The following RAF1 variants were observed in gnomAD, a reference collection of about 807,000 sequenced individuals.
The protein encoded by RAF1 is Raf-1 proto-oncogene, serine/threonine kinase.
A neutral mutation model predicts 81.1 loss-of-function variants in RAF1; 27 were observed. That is an observed-to-expected ratio of 0.33 (90% CI 0.25 to 0.46). The LOEUF (loss-of-function observed/expected upper bound fraction) is 0.46, where lower values mean the gene tolerates loss of function less well. RAF1 is among the 20% of genes least tolerant of loss of function. The pLI, the probability that RAF1 is intolerant of heterozygous loss-of-function variation, is 1.00. For synonymous variants in RAF1, 298 were observed against 294.0 expected (o/e 1.01, Z -0.14); for missense variants, 598 against 826.0 (o/e 0.72, Z 3.38).
chr3:12,638,883 A>C (rs2060104853), intron 1 of RAF1, among the ~76,000 whole-genome samples: 1 of 152,240 alleles, frequency 6.6e-6, no homozygotes, highest in Non-Finnish European at 1.5e-5. Flanking sequence ...AGAAATGTAA[A>C]AATGTGTTTT....
chr3:12,598,754 C>CAAAAAAAAAAA (rs1491128080), intron 11 of RAF1, among the ~76,000 whole-genome samples: 1 of 111,226 alleles, frequency 9.0e-6, no homozygotes. Context: ...AAAAAAAAAA[C>CAAAAAAAAAAA]CACCAAGTAC....
intron 1 of RAF1, among the ~76,000 whole-genome samples, chr3:12,644,346 G>C (rs147836508): frequency 6.6e-6 from 1 of 152,172 alleles, no homozygotes; most frequent in Non-Finnish European, 1.5e-5. Context: ...AGAGAAGTAA[G>C]CCAAACTAGA....
At chr3:12,599,549 T>G (rs2058791035) in intron 11 of RAF1, 142 bp downstream of exon 10, 1 of 677,980 alleles carries the variant, frequency 1.5e-6, no homozygotes. Flanking sequence ...AAGTTCAATC[T>G]TCAGGTATAA....
At chr3:12,660,427 A>G (rs959038866) in intron 1 of RAF1, among the ~76,000 whole-genome samples, 1 of 151,880 alleles carries the variant, frequency 6.6e-6, no homozygotes, top group African/African-American at 2.4e-5. Context: ...CCTCCCAAGC[A>G]GCTGGGACTA....
At chr3:12,655,001 C>A (rs558899943) in intron 1 of RAF1, among the ~76,000 whole-genome samples, 15 of 46,686 alleles carry the variant, frequency 3.2e-4, no homozygotes, top group African/African-American at 1.2e-3. Context: ...CATAGTGAGA[C>A]CCCCCCCCCG....
chr3:12,619,110 T>A (rs535477020), intron 1 of RAF1, among the ~76,000 whole-genome samples: 17 of 151,904 alleles, frequency 1.1e-4, no homozygotes, highest in East Asian at 9.7e-4. Context: ...CCGGGCGTGG[T>A]GGCGGGCGCC....
Position 12,587,578 on chromosome 3 carries a change from A to C in RAF1, c.1477+13T>G. On this transcript the variant is annotated intron_variant, in intron 14 of 17. Transcript: ENST00000442415. Reference sequence around the variant, plus strand: ...AACCGAGCAGTCAAATGAACTCAACAACCAAAGGATACTGTTGGATTTCAT... The same window carrying C: ...AACCGAGCAGTCAAATGAACTCAACCACCAAAGGATACTGTTGGATTTCAT... 6.2e-7 allele frequency: 1 copy of C among 1,604,142 alleles called. No individual in the cohort carries two copies. The highest frequency in any genetic ancestry group is 8.5e-7 in the Non-Finnish European group (1 of 1,170,884).
At chr3:12,603,409 T>G (rs1296070106) in intron 8 of RAF1, 1 of 611,988 alleles carries the variant, frequency 1.6e-6, no homozygotes, top group Non-Finnish European at 3.0e-6. Context: ...TTTTTGGTAG[T>G]CTGCTGTCTG....
At position 12,609,221 on chromosome 3, in the gene RAF1, T is replaced by A. The variant is rs1055790600; in HGVS notation, c.423+12A>T. On this transcript the variant is annotated intron_variant, in intron 4 of 17. Coordinates refer to ENST00000442415, the MANE Select transcript of RAF1 (RefSeq NM_001354689.3). ...CTCAACATGCCAGAAAGAGAAGAGA[T>A]CTGCAACTTACAAAGTTGTGTGTTG... The A allele has an allele frequency of 1.9e-6, 3 of 1,583,706 alleles. No homozygotes were observed. Among genetic ancestry groups the A allele is most frequent in the Non-Finnish European group, 2.6e-6 (3 of 1,152,398 alleles).
In RAF1 at chr3:12,596,484, G is replaced by A. The variant is rs564040519; in HGVS notation, c.1168+3207C>T. The stretch of plus-strand genomic sequence containing the variant: ...GCTGGGATTACAGGCATGAGCCACC[G>A]CACCCAGCCTTGATGCCAAATTTAA... On this transcript the variant is annotated intron_variant, in intron 11 of 17. Transcript: ENST00000442415. Among the ~76,000 whole-genome samples, 279 of 152,198 alleles carry A rather than the reference G, an allele frequency of 1.8e-3. 3 individuals are homozygous for A. The highest frequency in any genetic ancestry group is 1.0e-2 in the South Asian group (48 of 4,822).
At chr3:12,605,250 A>ATATGTGTGTGTGTGTGTGTGTG (rs1553613998) in intron 6 of RAF1, among the ~76,000 whole-genome samples, 67 of 144,630 alleles carry the variant, frequency 4.6e-4, no homozygotes, top group African/African-American at 1.3e-3. Flanking sequence ...ATTACACATT[A>ATATGTGTGTGTGTGTGTGTGTG]TGTGTGTGTG....
chr3:12,605,397 C>A (rs1423101784), intron 6 of RAF1, among the ~76,000 whole-genome samples: 2 of 152,050 alleles, frequency 1.3e-5, no homozygotes, highest in Non-Finnish European at 2.9e-5. Flanking sequence ...CTGCTTCAGC[C>A]TCCCAAGTAC....
intron 8 of RAF1, among the ~76,000 whole-genome samples, chr3:12,602,187 TC>T (rs1391647511): frequency 6.6e-6 from 1 of 152,210 alleles, no homozygotes; most frequent in African/African-American, 2.4e-5. Flanking sequence ...GAAAGAATTT[TC>T]CTATTGTTCC....
chr3:12,641,015 A>T (rs2060166856), intron 1 of RAF1, among the ~76,000 whole-genome samples: 1 of 152,144 alleles, frequency 6.6e-6, no homozygotes, highest in Non-Finnish European at 1.5e-5. Flanking sequence ...CATATACACC[A>T]CGGAATACTA....
chr3:12,622,853 G>C (rs1184039441), intron 1 of RAF1, among the ~76,000 whole-genome samples: 2 of 152,270 alleles, frequency 1.3e-5, no homozygotes, highest in South Asian at 2.1e-4. Context: ...TCTCCATTTA[G>C]TGGTACATCT....
chr3:12,601,188 CA>C, intron 8 of RAF1, among the ~76,000 whole-genome samples: 1 of 152,288 alleles, frequency 6.6e-6, no homozygotes, highest in East Asian at 1.9e-4. Flanking sequence ...AATCCAAGTT[CA>C]AAACCTACAT....
intron 1 of RAF1, among the ~76,000 whole-genome samples, chr3:12,654,658 T>C (rs2060630850): frequency 8.2e-6 from 1 of 122,300 alleles, no homozygotes; most frequent in African/African-American, 3.1e-5. Context: ...TGTATCAACT[T>C]ATAGAAAAAC....
chr3:12,610,021 G>A (rs1199967085), intron 3 of RAF1, among the ~76,000 whole-genome samples: 1 of 152,184 alleles, frequency 6.6e-6, no homozygotes, highest in Non-Finnish European at 1.5e-5. Context: ...CAAATCTGTA[G>A]TTGTAGGGTC....
chr3:12,600,753 G>A (rs1189928896), intron 8 of RAF1, among the ~76,000 whole-genome samples: 2 of 152,202 alleles, frequency 1.3e-5, no homozygotes, highest in Non-Finnish European at 2.9e-5. Context: ...GTAGAGACAG[G>A]GCTTCGCCAT....
Sources: allele counts gnomAD v4.1 joint callset (sites outside exome capture counted in the v4.1 genomes callset), GRCh38; gene constraint gnomAD v4.1.1; transcripts MANE v1.5; gene names NCBI Gene and HGNC (gene_info 2026-07-23, HGNC 2026-07-21).